The following VWA8 variants were observed in gnomAD, a reference collection of about 807,000 sequenced individuals.
VWA8 encodes von Willebrand factor A domain containing 8, also known as von Willebrand factor A domain-containing protein 8.
Under a neutral mutation model 241.5 loss-of-function variants are expected in VWA8, and 221 were observed. The observed-to-expected ratio is 0.91, with a 90% confidence interval of 0.82 to 1.02. The LOEUF is 1.02. Ranked by LOEUF, VWA8 falls within the 50% of genes least tolerant of loss-of-function variation. The probability of loss-of-function intolerance (pLI) is 0.00; values close to 1 mark genes in which losing one functional copy is unlikely to be tolerated. For missense variants in VWA8, 2,322 were observed against 2,328.7 expected (o/e 1.00, Z 0.06); for synonymous variants, 852 against 827.1 (o/e 1.03, Z -0.52).
intron 12 of VWA8, among the ~76,000 whole-genome samples, chr13:41,862,570 A>G (rs1480127764): frequency 6.6e-6 from 1 of 152,130 alleles, no homozygotes; most frequent in African/African-American, 2.4e-5. Flanking sequence ...AATAACATAA[A>G]GAACAATTCA....
At chr13:41,844,663 A>G (rs1014024722) in intron 12 of VWA8, among the ~76,000 whole-genome samples, 6 of 152,200 alleles carry the variant, frequency 3.9e-5, no homozygotes, top group African/African-American at 1.4e-4. Flanking sequence ...AATGAACAAA[A>G]ATCAGTAGCA....
chr13:41,839,571 A>AT (rs1871899940), intron 12 of VWA8, among the ~76,000 whole-genome samples: 1 of 152,166 alleles, frequency 6.6e-6, no homozygotes, highest in Non-Finnish European at 1.5e-5. Flanking sequence ...GCCCATGCCT[A>AT]TGTCCTGAAT....
intron 37 of VWA8, among the ~76,000 whole-genome samples, chr13:41,642,369 C>T (rs1373669708): frequency 1.3e-5 from 2 of 151,740 alleles, no homozygotes. Flanking sequence ...ACCAGCCTGG[C>T]CATCATAGTG....
At chr13:41,644,712 T>G (rs1566399989) in intron 37 of VWA8, among the ~76,000 whole-genome samples, 1 of 152,268 alleles carries the variant, frequency 6.6e-6, no homozygotes, top group African/African-American at 2.4e-5. Context: ...AGTAATTTGG[T>G]AAACAGTTAT....
intron 17 of VWA8, among the ~76,000 whole-genome samples, chr13:41,795,514 C>T (rs1869652108): frequency 6.6e-6 from 1 of 152,272 alleles, no homozygotes; most frequent in Middle Eastern, 3.4e-3. Flanking sequence ...CATTGCAGCA[C>T]TATTCACAAT....
intron 2 of VWA8, among the ~76,000 whole-genome samples, chr13:41,940,225 A>G (rs9566883): frequency 0.095 from 14,395 of 152,192 alleles, 859 homozygotes; most frequent in African/African-American, 0.17. Context: ...CCTTTCTTCA[A>G]TGTCTATCAT....
chr13:41,796,488 T>C (rs1869707392), intron 17 of VWA8, among the ~76,000 whole-genome samples: 1 of 151,782 alleles, frequency 6.6e-6, no homozygotes, highest in Non-Finnish European at 1.5e-5. Flanking sequence ...TTGACTTTAT[T>C]TTCAGTTATG....
At chr13:41,580,441 A>C (rs2044375436) in intron 42 of VWA8, among the ~76,000 whole-genome samples, 1 of 152,194 alleles carries the variant, frequency 6.6e-6, no homozygotes, top group South Asian at 2.1e-4. Context: ...GCAGATACTG[A>C]ATTAACTTCT....
intron 12 of VWA8, among the ~76,000 whole-genome samples, chr13:41,859,715 G>A (rs1872921869): frequency 6.6e-6 from 1 of 152,160 alleles, no homozygotes; most frequent in South Asian, 2.1e-4. Flanking sequence ...AATGATTTAT[G>A]ACTTTTATAG....
chr13:41,758,397 A>ATAT (rs1566444703), intron 21 of VWA8, among the ~76,000 whole-genome samples: 12 of 8,626 alleles, frequency 1.4e-3, no homozygotes, highest in Non-Finnish European at 1.8e-3. Flanking sequence ...TATATACGCT[A>ATAT]GTATATATAT....
In VWA8 at chr13:41,749,994, G is replaced by A. The variant is rs184274719; in HGVS notation, c.2426+11134C>T. Among the ~76,000 whole-genome samples the A allele has an allele frequency of 8.6e-5, 13 of 151,960 alleles. No individual in the cohort carries two copies. The East Asian group carries it at 2.5e-3, about 29-fold the overall frequency. On this transcript the variant is annotated intron_variant, in intron 21 of 44. Transcript: ENST00000379310. ...CATATGTAACAAACCTGCGCGTTGTGCACATGTACCCTAAAACTTAAAGTA... is the reference window on the plus strand; with the variant it reads ...CATATGTAACAAACCTGCGCGTTGTACACATGTACCCTAAAACTTAAAGTA...
intron 42 of VWA8, among the ~76,000 whole-genome samples, chr13:41,586,334 C>T (rs1174823824): frequency 1.3e-5 from 2 of 152,180 alleles, no homozygotes; most frequent in Non-Finnish European, 2.9e-5. Context: ...TCTTAAGCAG[C>T]TCCATGGCTT....
In VWA8 at chr13:41,577,861, A is replaced by G. The variant is rs747023379; in HGVS notation, c.5272-2023T>C. On this transcript the variant is annotated intron_variant, in intron 42 of 44. Coordinates refer to ENST00000379310, the MANE Select transcript of VWA8 (RefSeq NM_015058.2). The stretch of plus-strand genomic sequence containing the variant: ...CTTTCTAATTAGATGATAGTGAATG[A>G]AACTATAGAAATCTTTGATCATATG... 2.0e-5 allele frequency among the ~76,000 whole-genome samples: 3 copies of G among 152,232 alleles called. No individual in the cohort carries two copies. The South Asian group carries it at 6.2e-4, about 32-fold the overall frequency.
intron 17 of VWA8, among the ~76,000 whole-genome samples, chr13:41,799,912 G>A (rs375390147): frequency 2.0e-4 from 31 of 152,026 alleles, no homozygotes; most frequent in African/African-American, 6.5e-4. Flanking sequence ...AAGATCCCCC[G>A]TACCCACTAG....
At chr13:41,835,638 A>T (rs1871689379) in intron 12 of VWA8, among the ~76,000 whole-genome samples, 1 of 152,238 alleles carries the variant, frequency 6.6e-6, no homozygotes. Context: ...TCTCTAGAAC[A>T]GGACAAAATC....
intron 20 of VWA8, among the ~76,000 whole-genome samples, chr13:41,762,651 A>G (rs904159009): frequency 6.6e-6 from 1 of 152,150 alleles, no homozygotes; most frequent in Non-Finnish European, 1.5e-5. Flanking sequence ...CAGAAGCCCA[A>G]TAGGGAAGCA....
chr13:41,738,086 A>G (rs1296889185), intron 21 of VWA8, among the ~76,000 whole-genome samples: 1 of 152,230 alleles, frequency 6.6e-6, no homozygotes, highest in Non-Finnish European at 1.5e-5. Flanking sequence ...CAAAAGAGCA[A>G]GAATGAGAGA....
At chr13:41,883,277 A>T in intron 9 of VWA8, 110 bp downstream of exon 9, 3 of 769,706 alleles carry the variant, frequency 3.9e-6, no homozygotes, top group Middle Eastern at 2.4e-4. Flanking sequence ...AGAAATAAGG[A>T]TGGGGAGAGA....
chr13:41,929,521 T>A (rs907405129), intron 2 of VWA8, among the ~76,000 whole-genome samples: 1 of 152,184 alleles, frequency 6.6e-6, no homozygotes, highest in South Asian at 2.1e-4. Flanking sequence ...CTAGTATGTA[T>A]CAGTTTTTAA....
Sources: allele counts gnomAD v4.1 joint callset (sites outside exome capture counted in the v4.1 genomes callset), GRCh38; gene constraint gnomAD v4.1.1; transcripts MANE v1.5; gene names NCBI Gene and HGNC (gene_info 2026-07-23, HGNC 2026-07-21).